PTPRD: variants seen among roughly 807,000 people sequenced by gnomAD.
The protein encoded by PTPRD is receptor-type tyrosine-protein phosphatase delta.
In PTPRD, 34 loss-of-function variants were observed where a neutral mutation model predicts 214.5. The ratio of observed to expected loss-of-function variants is 0.16; its 90% CI spans 0.12 to 0.21. PTPRD has a LOEUF of 0.21. Among genes scored for constraint, PTPRD ranks in the 10% least tolerant of loss-of-function variants. The probability of loss-of-function intolerance (pLI) is 1.00; values close to 1 mark genes in which losing one functional copy is unlikely to be tolerated. For missense variants in PTPRD, 2,545 were observed against 2,398.7 expected, an observed-to-expected ratio of 1.06 and a Z score of -1.27; for synonymous variants, 1,128 against 845.7, an observed-to-expected ratio of 1.33 and a Z score of -5.79.
chr9:8,853,607 T>C (rs923482216), intron 11 of PTPRD, among the ~76,000 whole-genome samples: 1 of 152,326 alleles, frequency 6.6e-6, no homozygotes, highest in African/African-American at 2.4e-5. Flanking sequence ...AAACAAGTGA[T>C]GCTTGTTCAA....
chr9:8,626,682 A>G (rs555724456), intron 14 of PTPRD, among the ~76,000 whole-genome samples: 2 of 151,784 alleles, frequency 1.3e-5, no homozygotes, highest in Admixed American at 6.6e-5. Flanking sequence ...AGCCTCACCT[A>G]AGGAAGGAAG....
At chr9:8,907,980 G>C (rs575652194) in intron 11 of PTPRD, among the ~76,000 whole-genome samples, 1 of 152,214 alleles carries the variant, frequency 6.6e-6, no homozygotes, top group South Asian at 2.1e-4. Flanking sequence ...AGCACTAAGA[G>C]AGTCTCATCT....
At chr9:10,151,164 G>T (rs987302765) in intron 3 of PTPRD, among the ~76,000 whole-genome samples, 1 of 145,726 alleles carries the variant, frequency 6.9e-6, no homozygotes, top group African/African-American at 2.5e-5. Context: ...GAGTTCAAGC[G>T]ATTCTCCTTT....
chr9:8,590,216 C>T (rs916361843), intron 14 of PTPRD, among the ~76,000 whole-genome samples: 2 of 152,042 alleles, frequency 1.3e-5, no homozygotes, highest in African/African-American at 2.4e-5. Context: ...CTTCCTTAAG[C>T]TAGGGTTGAA....
At chr9:9,945,338 C>T (rs1351727552) in intron 4 of PTPRD, among the ~76,000 whole-genome samples, 2 of 152,006 alleles carry the variant, frequency 1.3e-5, no homozygotes, top group African/African-American at 4.8e-5. Flanking sequence ...ATAGAGATCA[C>T]ATGAGGTCAC....
At chr9:9,916,826 A>G (rs1031096819) in intron 5 of PTPRD, among the ~76,000 whole-genome samples, 7 of 152,156 alleles carry the variant, frequency 4.6e-5, no homozygotes, top group African/African-American at 1.7e-4. Flanking sequence ...ACATGTTAGG[A>G]CACCAAACAA....
chr9:8,354,319 T>C (rs934653145), intron 39 of PTPRD, among the ~76,000 whole-genome samples: 1 of 152,146 alleles, frequency 6.6e-6, no homozygotes, highest in African/African-American at 2.4e-5. Flanking sequence ...AGAAAAACTT[T>C]ATGTAACACA....
intron 12 of PTPRD, among the ~76,000 whole-genome samples, chr9:8,638,011 G>A (rs560269358): frequency 9.1e-4 from 138 of 151,902 alleles, no homozygotes; most frequent in African/African-American, 2.9e-3. Flanking sequence ...TTATTTCTCC[G>A]ACTGCTTTCC....
intron 10 of PTPRD, among the ~76,000 whole-genome samples, chr9:9,083,884 A>G (rs324468): frequency 0.68 from 103,188 of 151,970 alleles, 35,412 homozygotes; most frequent in Non-Finnish European, 0.72. Flanking sequence ...AATGGTGATC[A>G]TTAAAAAGTC....
At chr9:9,351,756 G>C (rs532578482) in intron 9 of PTPRD, among the ~76,000 whole-genome samples, 21 of 151,960 alleles carry the variant, frequency 1.4e-4, no homozygotes, top group Non-Finnish European at 2.5e-4. Context: ...AGATTATAAG[G>C]GTCAGGAGCG....
Position 9,392,830 on chromosome 9 carries a change from C to G in PTPRD, c.-203+4619G>C, listed in dbSNP as rs145206044. Among the ~76,000 whole-genome samples, 46 of 152,156 alleles carry G rather than the reference C, an allele frequency of 3.0e-4. 1 individual carries two copies. The East Asian group carries it at 7.8e-3, about 26-fold the overall frequency. ...TTCCAGTCTTCACTTTCAATCTCCT[C>G]AGGGAGGGAATATATAGTAATGAAA... On this transcript the variant is annotated intron_variant, in intron 9 of 45. Transcript: ENST00000381196.
At chr9:8,685,783 C>T (rs377018253) in intron 12 of PTPRD, among the ~76,000 whole-genome samples, 16 of 152,236 alleles carry the variant, frequency 1.1e-4, no homozygotes, top group Non-Finnish European at 1.9e-4. Flanking sequence ...TTTCATTTTC[C>T]GACTGAAATC....
At position 8,671,900 on chromosome 9, in the gene PTPRD, T is replaced by G. The variant is rs12351908; in HGVS notation, c.65-35056A>C. 4.1e-4 allele frequency among the ~76,000 whole-genome samples: 62 copies of G among 152,246 alleles called. No homozygotes were observed. In the East Asian group the frequency reaches 0.012, roughly 29 times the overall value. On this transcript the variant is annotated intron_variant, in intron 12 of 45. Coordinates refer to ENST00000381196, the MANE Select transcript of PTPRD (RefSeq NM_002839.4). ...ACTCTCTTGGACAATTTCAAAGATATTGGAGTAACTAAATGTTGGAAAAGA... is the reference window on the plus strand; with the variant it reads ...ACTCTCTTGGACAATTTCAAAGATAGTGGAGTAACTAAATGTTGGAAAAGA...
chr9:8,849,530 AT>A (rs1210925206), intron 11 of PTPRD, among the ~76,000 whole-genome samples: 1 of 152,178 alleles, frequency 6.6e-6, no homozygotes, highest in Non-Finnish European at 1.5e-5. Flanking sequence ...CTGGTCCATA[AT>A]TCTTTAGTTC....
At chr9:8,966,657 G>GA (rs952682861) in intron 11 of PTPRD, among the ~76,000 whole-genome samples, 5 of 151,700 alleles carry the variant, frequency 3.3e-5, no homozygotes, top group Non-Finnish European at 7.4e-5. Context: ...AAGAATCCTA[G>GA]AAAAAAACCT....
At chr9:8,950,710 T>C (rs2099096979) in intron 11 of PTPRD, among the ~76,000 whole-genome samples, 1 of 151,846 alleles carries the variant, frequency 6.6e-6, no homozygotes, top group African/African-American at 2.4e-5. Flanking sequence ...GTTTTTCTTT[T>C]TTTTTTTTTA....
At position 10,195,949 on chromosome 9, in the gene PTPRD, G is replaced by C. The variant is rs576121044; in HGVS notation, c.-545+145014C>G. 2.6e-5 allele frequency among the ~76,000 whole-genome samples: 4 copies of C among 152,214 alleles called. No individual in the cohort carries two copies. The South Asian group carries it at 6.2e-4, about 24-fold the overall frequency. On this transcript the variant is annotated intron_variant, in intron 3 of 45. Coordinates refer to ENST00000381196, the MANE Select transcript of PTPRD (RefSeq NM_002839.4). ...CCATTTGTACTACTTTGTTGAAAAG[G>C]CAAATCAGTGATAAAAATGAAATCA...
intron 14 of PTPRD, among the ~76,000 whole-genome samples, chr9:8,607,580 T>C (rs935886358): frequency 1.4e-4 from 22 of 152,018 alleles, no homozygotes; most frequent in African/African-American, 5.3e-4. Context: ...GAGGGAGAAG[T>C]TGCACTGAGC....
intron 2 of PTPRD, among the ~76,000 whole-genome samples, chr9:10,376,529 A>C (rs1161967150): frequency 6.6e-6 from 1 of 151,788 alleles, no homozygotes; most frequent in Admixed American, 6.6e-5. Context: ...TTGCTTTATA[A>C]AAATAACCAG....
Sources: allele counts gnomAD v4.1 joint callset (sites outside exome capture counted in the v4.1 genomes callset), GRCh38; gene constraint gnomAD v4.1.1; transcripts MANE v1.5; gene names NCBI Gene and HGNC (gene_info 2026-07-23, HGNC 2026-07-21).